AP3B1: variants seen among roughly 807,000 people sequenced by gnomAD.
AP3B1 encodes AP-3 complex subunit beta-1.
AP3B1 carries 61 observed loss-of-function variants against 132.5 expected under a neutral mutation model. The observed-to-expected ratio is 0.46, with a 90% CI of 0.37 to 0.57. AP3B1 has a LOEUF of 0.57. Among genes scored for constraint, AP3B1 ranks in the 20% least tolerant of loss-of-function variants. The pLI, the probability that AP3B1 is intolerant of heterozygous loss-of-function variation, is 0.00. For missense variants in AP3B1, 1,120 were observed against 1,289.4 expected, an observed-to-expected ratio of 0.87 and a Z score of 2.01; for synonymous variants, 388 against 438.3, an observed-to-expected ratio of 0.89 and a Z score of 1.43.
chr5:78,213,740 C>T (rs1249172656), intron 7 of AP3B1, among the ~76,000 whole-genome samples: 1 of 152,080 alleles, frequency 6.6e-6, no homozygotes, highest in Non-Finnish European at 1.5e-5. Context: ...GCCTCTAAGG[C>T]GTCAACCAAG....
intron 22 of AP3B1, among the ~76,000 whole-genome samples, chr5:78,041,027 C>G (rs916304215): frequency 6.6e-6 from 1 of 152,174 alleles, no homozygotes; most frequent in East Asian, 1.9e-4. Flanking sequence ...GTAATTCCAA[C>G]ACTTTGGGAG....
chr5:78,034,742 T>C (rs1242036427), intron 23 of AP3B1, among the ~76,000 whole-genome samples: 1 of 151,980 alleles, frequency 6.6e-6, no homozygotes, highest in Non-Finnish European at 1.5e-5. Context: ...ATTATCTCTA[T>C]AGGTACTGAA....
intron 15 of AP3B1, among the ~76,000 whole-genome samples, chr5:78,138,302 C>T (rs969276657): frequency 6.6e-6 from 1 of 151,706 alleles, no homozygotes; most frequent in African/African-American, 2.4e-5. Flanking sequence ...CCCATCTCTA[C>T]TAAAATACAA....
rs1201783512 is a variant in AP3B1, at chr5:78,101,042, A to T, written c.2398-17T>A. On this transcript the variant is annotated splice_polypyrimidine_tract_variant and intron_variant, in intron 20 of 26. Coordinates refer to ENST00000255194, the MANE Select transcript of AP3B1 (RefSeq NM_003664.5). ...TTCTTTCTCCTATAAAATAACAAAT[A>T]TTTCATTTATCACACGTTCTGTTTT... The T allele has an allele frequency of 2.2e-6, 3 of 1,395,014 alleles. No homozygotes were observed. The allele number at this position is 1,395,014 out of a possible 1,614,324, so 86.4% of individuals were successfully genotyped here.
chr5:78,020,818 A>C (rs752854757), intron 24 of AP3B1, 29 bp from the exon 25 acceptor site: 1 of 1,522,314 alleles, frequency 6.6e-7, no homozygotes, highest in Admixed American at 1.7e-5. Flanking sequence ...AGCTGACTAA[A>C]TGCTTCATAA....
downstream of AP3B1, chr5:78,001,175 T>C (rs530948767): frequency 1.3e-5 from 2 of 152,322 alleles, no homozygotes; most frequent in South Asian, 4.1e-4. Context: ...AATCACAACA[T>C]GCACTTTCCC....
At chr5:78,285,581 T>A (rs1368131853) in intron 1 of AP3B1, among the ~76,000 whole-genome samples, 2 of 152,138 alleles carry the variant, frequency 1.3e-5, no homozygotes, top group African/African-American at 2.4e-5. Flanking sequence ...CACTCTGATA[T>A]CCAACTGCCT....
At chr5:78,022,905 A>C (rs1356205185) in intron 24 of AP3B1, among the ~76,000 whole-genome samples, 1 of 152,182 alleles carries the variant, frequency 6.6e-6, no homozygotes, top group Non-Finnish European at 1.5e-5. Context: ...TGATGAGAAA[A>C]CTGAAAAGAA....
intron 17 of AP3B1, among the ~76,000 whole-genome samples, chr5:78,127,705 A>G (rs900538990): frequency 1.3e-5 from 2 of 152,194 alleles, no homozygotes; most frequent in African/African-American, 4.8e-5. Flanking sequence ...TAAACAAAGT[A>G]GAAAAAACTT....
chr5:78,065,901 C>T (rs1282367176), intron 22 of AP3B1, among the ~76,000 whole-genome samples: 2 of 152,174 alleles, frequency 1.3e-5, no homozygotes, highest in Non-Finnish European at 2.9e-5. Context: ...ACACCTTACA[C>T]AGGAGCATTC....
intron 22 of AP3B1, among the ~76,000 whole-genome samples, chr5:78,049,192 C>G (rs1172613761): frequency 6.6e-6 from 1 of 152,170 alleles, no homozygotes; most frequent in Non-Finnish European, 1.5e-5. Flanking sequence ...CCCACAATAA[C>G]AACAAAGTAC....
At position 78,089,502 on chromosome 5, in the gene AP3B1, G is replaced by GT; in HGVS notation, c.2471-4dup. 1 of 1,591,064 alleles carries GT rather than the reference G, an allele frequency of 6.3e-7. No homozygotes were observed. The highest frequency in any genetic ancestry group is 8.6e-7 in the Non-Finnish European group (1 of 1,159,218). On this transcript the variant is annotated splice_polypyrimidine_tract_variant and splice_region_variant and intron_variant, in intron 21 of 26. Coordinates refer to ENST00000255194, the MANE Select transcript of AP3B1 (RefSeq NM_003664.5). ...AACTGGAGTGGATACTGGGTTAACT[G>GT]TAAGAAAAGGCCCAAATTAGTAAAT...
intron 2 of AP3B1, among the ~76,000 whole-genome samples, chr5:78,264,577 T>C (rs1222753796): frequency 6.6e-6 from 1 of 152,312 alleles, no homozygotes; most frequent in East Asian, 1.9e-4. Context: ...TGATGCACAC[T>C]AATACTGCAG....
chr5:78,075,599 T>C (rs555359424), intron 22 of AP3B1, among the ~76,000 whole-genome samples: 3 of 152,356 alleles, frequency 2.0e-5, no homozygotes, highest in Admixed American at 1.3e-4. Context: ...ATTCCTTTGA[T>C]AAGGAACCTG....
intron 13 of AP3B1, among the ~76,000 whole-genome samples, 198 bp downstream of exon 13, chr5:78,162,621 C>T (rs549478355): frequency 5.3e-5 from 8 of 151,672 alleles, no homozygotes; most frequent in African/African-American, 9.7e-5. Context: ...AGTTAATGGC[C>T]TATTTTACTA....
chr5:78,235,562 C>T (rs978086678), intron 3 of AP3B1, among the ~76,000 whole-genome samples: 1 of 152,208 alleles, frequency 6.6e-6, no homozygotes, highest in African/African-American at 2.4e-5. Flanking sequence ...CACAAGAGGC[C>T]TATGCACTGA....
intron 26 of AP3B1, among the ~76,000 whole-genome samples, chr5:78,014,005 T>C (rs918370892): frequency 1.3e-5 from 2 of 151,872 alleles, no homozygotes; most frequent in African/African-American, 4.8e-5. Context: ...CTACTAAAAA[T>C]ACAAAAAATT....
intron 22 of AP3B1, among the ~76,000 whole-genome samples, chr5:78,063,866 AT>A (rs780085092): frequency 3.3e-5 from 5 of 152,134 alleles, no homozygotes; most frequent in East Asian, 1.9e-4. Flanking sequence ...ACTGAGCTTA[AT>A]TTTTTTTAAA....
intron 22 of AP3B1, among the ~76,000 whole-genome samples, chr5:78,049,491 C>G (rs1364908831): frequency 6.6e-6 from 1 of 152,094 alleles, no homozygotes; most frequent in Non-Finnish European, 1.5e-5. Flanking sequence ...TATTGTTTAG[C>G]CTGGGAAAAC....
Sources: allele counts gnomAD v4.1 joint callset (sites outside exome capture counted in the v4.1 genomes callset), GRCh38; gene constraint gnomAD v4.1.1; transcripts MANE v1.5; gene names NCBI Gene and HGNC (gene_info 2026-07-23, HGNC 2026-07-21).